SPIDR: variants seen among roughly 807,000 people sequenced by gnomAD.
SPIDR encodes DNA repair-scaffolding protein.
In SPIDR, 93 loss-of-function variants were observed where a neutral mutation model predicts 104.6. The observed-to-expected ratio is 0.89, with a 90% CI of 0.75 to 1.06. SPIDR has a LOEUF of 1.06. SPIDR is among the 50% of genes least tolerant of loss of function. The pLI, the probability that SPIDR is intolerant of heterozygous loss-of-function variation, is 0.00. For missense variants in SPIDR, 1,154 were observed against 1,111.2 expected (o/e 1.04, Z -0.55); for synonymous variants, 431 against 416.9 (o/e 1.03, Z -0.41).
At chr8:47,711,195 G>A (rs559038622) in intron 14 of SPIDR, among the ~76,000 whole-genome samples, 87 of 152,210 alleles carry the variant, frequency 5.7e-4, no homozygotes, top group African/African-American at 1.9e-3. Flanking sequence ...ACACATGCCC[G>A]TCATTCTTTG....
intron 10 of SPIDR, among the ~76,000 whole-genome samples, chr8:47,618,578 T>G (rs555822937): frequency 5.9e-5 from 9 of 152,312 alleles, no homozygotes; most frequent in African/African-American, 2.2e-4. Context: ...TGTTATTTTC[T>G]CAGAATTACC....
intron 5 of SPIDR, among the ~76,000 whole-genome samples, chr8:47,337,322 G>A (rs1030307564): frequency 6.6e-6 from 1 of 152,070 alleles, no homozygotes; most frequent in Middle Eastern, 3.2e-3. Context: ...GTAGAGACAA[G>A]GTTCTGCTGT....
intron 5 of SPIDR, among the ~76,000 whole-genome samples, chr8:47,375,065 C>A (rs2058488489): frequency 6.6e-6 from 1 of 151,704 alleles, no homozygotes; most frequent in South Asian, 2.1e-4. Context: ...CCTCTTCCCC[C>A]AAAAAACCCC....
rs1289695331 is a variant in SPIDR, at chr8:47,319,524, T to C, written c.525+25494T>C. ...GACTTTAACACCCCACTATCAACAT[T>C]AGACAGATCAGTGAGACAGAAAGTT... On this transcript the variant is annotated intron_variant, in intron 5 of 19. Transcript: ENST00000297423. Among the ~76,000 whole-genome samples, 3 of 152,088 alleles carry C rather than the reference T, an allele frequency of 2.0e-5. No homozygotes were observed. In the East Asian group the frequency reaches 5.8e-4, roughly 29 times the overall value.
In SPIDR at chr8:47,736,229, A is replaced by G. The variant is rs931019358; in HGVS notation, c.*779A>G. On this transcript the variant is annotated 3_prime_UTR_variant, in exon 20 of 20. Transcript: ENST00000297423. ...TATAGCAATATAATCATGACAGGCC[A>G]TGGTTAACTACATCAGATACACGTA... The G allele has an allele frequency of 1.3e-4, 20 of 152,428 alleles. No individual in the cohort carries two copies. Among genetic ancestry groups the G allele is most frequent in the Non-Finnish European group, 4.4e-5 (3 of 68,190 alleles). The allele number at this position is 152,428 out of a possible 1,614,324, so 9.4% of individuals were successfully genotyped here. A position where few individuals can be genotyped will look rare whatever the true frequency, so the allele number is the denominator to read the frequency against.
chr8:47,287,640 G>A (rs1486121339), intron 3 of SPIDR, among the ~76,000 whole-genome samples: 4 of 152,106 alleles, frequency 2.6e-5, no homozygotes, highest in South Asian at 4.1e-4. Context: ...TTGCATGTCC[G>A]TTTATAGGCT....
intron 3 of SPIDR, among the ~76,000 whole-genome samples, chr8:47,286,618 A>G (rs1266812791): frequency 1.3e-5 from 2 of 152,210 alleles, no homozygotes; most frequent in African/African-American, 2.4e-5. Context: ...CACAAAATTT[A>G]AAATTCAGAA....
At chr8:47,617,043 A>C (rs1442571563) in intron 10 of SPIDR, among the ~76,000 whole-genome samples, 4 of 151,862 alleles carry the variant, frequency 2.6e-5, no homozygotes, top group Non-Finnish European at 5.9e-5. Context: ...TGTTTTTTTT[A>C]TATATATTTA....
At chr8:47,374,320 G>A (rs1354716223) in intron 5 of SPIDR, among the ~76,000 whole-genome samples, 4 of 152,184 alleles carry the variant, frequency 2.6e-5, no homozygotes, top group Non-Finnish European at 1.5e-5. Context: ...CGAGGAGTTC[G>A]AGACCAGCCT....
chr8:47,342,241 C>T lies in SPIDR; in HGVS notation c.525+48211C>T, dbSNP rs781795552. 5.3e-5 allele frequency among the ~76,000 whole-genome samples: 8 copies of T among 151,888 alleles called. No individual in the cohort carries two copies. The South Asian group carries it at 6.2e-4, about 12-fold the overall frequency. On this transcript the variant is annotated intron_variant, in intron 5 of 19. Coordinates refer to ENST00000297423, the MANE Select transcript of SPIDR (RefSeq NM_001080394.4). ...ACCTCCTGCATGGGCTCCCCCATGC[C>T]GCCCTACCTGTTTAGTTGTCATGGG... is the stretch of plus-strand genomic sequence containing the variant.
chr8:47,452,226 T>C (rs2071922885), intron 8 of SPIDR, among the ~76,000 whole-genome samples: 1 of 152,134 alleles, frequency 6.6e-6, no homozygotes, highest in Admixed American at 6.5e-5. Context: ...AGCTTATTTC[T>C]TATCAGAAAC....
At chr8:47,315,628 A>G (rs782143368) in intron 5 of SPIDR, among the ~76,000 whole-genome samples, 4 of 152,168 alleles carry the variant, frequency 2.6e-5, no homozygotes, top group African/African-American at 4.8e-5. Context: ...AAATTTCCTT[A>G]TTTCAAGATT....
At chr8:47,463,838 C>T (rs2154354276) in intron 8 of SPIDR, among the ~76,000 whole-genome samples, 1 of 152,272 alleles carries the variant, frequency 6.6e-6, no homozygotes, top group East Asian at 1.9e-4. Flanking sequence ...ACTCAACAAA[C>T]TGGGAACATA....
chr8:47,430,672 C>T (rs1316297271), intron 7 of SPIDR, among the ~76,000 whole-genome samples: 1 of 152,182 alleles, frequency 6.6e-6, no homozygotes, highest in Non-Finnish European at 1.5e-5. Context: ...TAGTAACTTG[C>T]TATTTTAACA....
chr8:47,490,505 G>C (rs749174761), intron 8 of SPIDR, among the ~76,000 whole-genome samples: 7 of 152,182 alleles, frequency 4.6e-5, no homozygotes, highest in Admixed American at 2.0e-4. Flanking sequence ...GGTATATACC[G>C]AAAGGATTAT....
intron 8 of SPIDR, among the ~76,000 whole-genome samples, chr8:47,593,304 A>G (rs966605228): frequency 6.6e-6 from 1 of 151,504 alleles, no homozygotes; most frequent in African/African-American, 2.4e-5. Flanking sequence ...TCTGCTGTTG[A>G]ACCTATTCTT....
At position 47,401,371 on chromosome 8, in the gene SPIDR, C is replaced by CA. The variant is rs1777625287; in HGVS notation, c.776+4750dup. ...AAGGAGCAACTGGTACCAGCCACTG[C>CA]AAAAACATGCCAAATTGTAAAGACC... On this transcript the variant is annotated intron_variant, in intron 6 of 19. Transcript: ENST00000297423. Among the ~76,000 whole-genome samples, 4 of 152,132 alleles carry CA rather than the reference C, an allele frequency of 2.6e-5. No homozygotes were observed. The South Asian group carries it at 8.3e-4, about 32-fold the overall frequency.
rs561745242 is a variant in SPIDR, at chr8:47,629,771, G to C, written c.1544+30575G>C. ...TCTGTCTCAAAAAAAGAAACTTTAT[G>C]TATAAAAATCGGGGACAGGCAAAAT... On this transcript the variant is annotated intron_variant, in intron 10 of 19. Coordinates refer to ENST00000297423, the MANE Select transcript of SPIDR (RefSeq NM_001080394.4). Among the ~76,000 whole-genome samples the C allele has an allele frequency of 3.3e-5, 5 of 152,178 alleles. 1 individual carries two copies. In the South Asian group the frequency reaches 1.0e-3, roughly 31 times the overall value.
chr8:47,276,645 A>G (rs1448009793), intron 1 of SPIDR, among the ~76,000 whole-genome samples: 1 of 152,254 alleles, frequency 6.6e-6, no homozygotes, highest in Non-Finnish European at 1.5e-5. Context: ...GTGGTTGGAA[A>G]AATAAATAAG....
Sources: allele counts gnomAD v4.1 joint callset (sites outside exome capture counted in the v4.1 genomes callset), GRCh38; gene constraint gnomAD v4.1.1; transcripts MANE v1.5; gene names NCBI Gene and HGNC (gene_info 2026-07-23, HGNC 2026-07-21).